Variants in MAP3K20 observed in about 807,000 individuals in gnomAD.
MAP3K20 encodes the protein HCCS-4.
MAP3K20 carries 40 observed loss-of-function variants against 85.7 expected under a neutral mutation model. That is an observed-to-expected ratio of 0.47 (90% CI 0.36 to 0.61). The LOEUF (loss-of-function observed/expected upper bound fraction) is 0.61, where lower values mean the gene tolerates loss of function less well. MAP3K20 is among the 20% of genes least tolerant of loss of function. The pLI is 0.00. For synonymous variants in MAP3K20, 325 were observed against 327.7 expected (o/e 0.99, Z 0.09); for missense variants, 817 against 961.7 (o/e 0.85, Z 1.99).
intron 10 of MAP3K20, chr2:173,211,054 T>C (rs1683877940): frequency 6.6e-6 from 1 of 152,220 alleles, no homozygotes; most frequent in Non-Finnish European, 1.5e-5. Flanking sequence ...TAATATTTGT[T>C]TTTTGCAGTA....
At chr2:173,131,175 T>G (rs1688608082) in intron 2 of MAP3K20, among the ~76,000 whole-genome samples, 1 of 152,232 alleles carries the variant, frequency 6.6e-6, no homozygotes, top group Non-Finnish European at 1.5e-5. Flanking sequence ...GTTTTTCTGC[T>G]GTGGCTTTTA....
intron 10 of MAP3K20, chr2:173,212,159 T>G (rs1683919524): frequency 6.6e-6 from 1 of 152,164 alleles, no homozygotes; most frequent in Non-Finnish European, 1.5e-5. Flanking sequence ...ACAAAAGTAC[T>G]TCTTATGTTC....
intron 1 of MAP3K20, among the ~76,000 whole-genome samples, chr2:173,076,987 G>C (rs1258983870): frequency 4.6e-5 from 7 of 152,218 alleles, no homozygotes; most frequent in African/African-American, 1.4e-4. Context: ...GATGCGCTTT[G>C]AGATCGCGCA....
At chr2:173,247,826 T>C (rs1420241419) in intron 16 of MAP3K20, among the ~76,000 whole-genome samples, 1 of 152,168 alleles carries the variant, frequency 6.6e-6, no homozygotes, top group African/African-American at 2.4e-5. Context: ...TGTTCTTGAG[T>C]TCTCATGCAA....
At chr2:173,079,013 CAT>C (rs1228017050) in intron 1 of MAP3K20, among the ~76,000 whole-genome samples, 3 of 152,136 alleles carry the variant, frequency 2.0e-5, no homozygotes, top group African/African-American at 7.2e-5. Flanking sequence ...TAAGTACAGT[CAT>C]GTGTCCATTA....
In MAP3K20 at chr2:173,108,395, T is replaced by G. The variant is rs929834831; in HGVS notation, c.159+17205T>G. Reference sequence around the variant, plus strand: ...ATCCGCCCGCCTCGGCCTCCCAAAGTGCTGGGATTATAGGCGTGAGCCACC... The same window carrying G: ...ATCCGCCCGCCTCGGCCTCCCAAAGGGCTGGGATTATAGGCGTGAGCCACC... On this transcript the variant is annotated intron_variant, in intron 2 of 19. Coordinates refer to ENST00000375213, the MANE Select transcript of MAP3K20 (RefSeq NM_016653.3). Among the ~76,000 whole-genome samples, 13 of 152,230 alleles carry G rather than the reference T, an allele frequency of 8.5e-5. 1 individual carries two copies. Among genetic ancestry groups the G allele is most frequent in the Admixed American group, 2.6e-4 (4 of 15,290 alleles).
chr2:173,217,273 G>A (rs1028852920), intron 11 of MAP3K20, 23 bp downstream of exon 11: 10 of 1,524,506 alleles, frequency 6.6e-6, no homozygotes, highest in Non-Finnish European at 7.9e-6. Flanking sequence ...CCCCTTCGCC[G>A]TCTTTCCACA....
chr2:173,211,382 C>T (rs1371275506), intron 10 of MAP3K20: 1 of 152,372 alleles, frequency 6.6e-6, no homozygotes, highest in Non-Finnish European at 1.5e-5. Flanking sequence ...AGTCCCTCAA[C>T]AGATGCGTAT....
rs1403992363 is a variant in MAP3K20 at position 173,198,439 on chromosome 2, C to T, written c.669+327C>T. ...CCAAGGTAGGGGAACAGTTTAACTC[C>T]ATCTCCTGCGTTTAGGACATCTTTT... On this transcript the variant is annotated intron_variant, in intron 8 of 19. Coordinates refer to ENST00000375213, the MANE Select transcript of MAP3K20 (RefSeq NM_016653.3). This position sits in a 1 kb window ranked among gnomAD's most constrained non-coding sequence, Gnocchi z 5.8. The T allele has an allele frequency of 6.0e-6, 1 of 167,638 alleles. No individual in the cohort carries two copies. Among genetic ancestry groups the T allele is most frequent in the African/African-American group, 2.4e-5 (1 of 41,720 alleles). 10.4% of individuals were successfully genotyped at this position (167,638 alleles called of 1,614,324 possible).
chr2:173,128,245 A>G (rs1160950425), intron 2 of MAP3K20, among the ~76,000 whole-genome samples: 2 of 152,286 alleles, frequency 1.3e-5, no homozygotes, highest in East Asian at 3.9e-4. Flanking sequence ...AAGAAATGAC[A>G]TTGATTTGAG....
At chr2:173,189,540 A>AT (rs1243533967) in intron 5 of MAP3K20, among the ~76,000 whole-genome samples, 2 of 152,106 alleles carry the variant, frequency 1.3e-5, no homozygotes, top group Non-Finnish European at 2.9e-5. Flanking sequence ...CTTCAAAACT[A>AT]TTTTTCTATC....
intron 2 of MAP3K20, among the ~76,000 whole-genome samples, chr2:173,127,035 A>G (rs1688465324): frequency 6.6e-6 from 1 of 152,236 alleles, no homozygotes; most frequent in Non-Finnish European, 1.5e-5. Flanking sequence ...CAAACATACA[A>G]CAGGAAGTAG....
rs114309736 is a variant in MAP3K20 at position 173,116,003 on chromosome 2, A to G, written c.159+24813A>G. On this transcript the variant is annotated intron_variant, in intron 2 of 19. Transcript: ENST00000375213. ...ATGTCTTACCAGGGCAGAGCAGGAAAGAGTCTAATTAAAAAAAAAAAAAAA... is the reference window on the plus strand; with the variant it reads ...ATGTCTTACCAGGGCAGAGCAGGAAGGAGTCTAATTAAAAAAAAAAAAAAA... Among the ~76,000 whole-genome samples the G allele has an allele frequency of 5.4e-3, 745 of 137,732 alleles. 4 individuals are homozygous for G. Among genetic ancestry groups the G allele is most frequent in the Non-Finnish European group, 8.7e-3 (541 of 61,894 alleles). The allele number at this position is 137,732 out of a possible 152,430, so 90.4% of individuals were successfully genotyped here.
At chr2:173,235,784 C>T (rs1465860013) in intron 14 of MAP3K20, among the ~76,000 whole-genome samples, 2 of 152,162 alleles carry the variant, frequency 1.3e-5, no homozygotes, top group Non-Finnish European at 2.9e-5. Context: ...AGCACAGGCA[C>T]CTCTACACCC....
intron 18 of MAP3K20, among the ~76,000 whole-genome samples, chr2:173,262,612 A>G (rs1035651624): frequency 6.6e-6 from 1 of 152,042 alleles, no homozygotes; most frequent in Non-Finnish European, 1.5e-5. Flanking sequence ...AAAGAAAAAA[A>G]AAAAGAAAAG....
At chr2:173,116,240 G>A (rs899870744) in intron 2 of MAP3K20, among the ~76,000 whole-genome samples, 5 of 152,102 alleles carry the variant, frequency 3.3e-5, no homozygotes, top group Admixed American at 6.5e-5. Flanking sequence ...GCTATTTAAC[G>A]TATGCTTTAT....
At chr2:173,238,483 A>G in intron 15 of MAP3K20, 48 bp downstream of exon 15, 2 of 1,522,044 alleles carry the variant, frequency 1.3e-6, no homozygotes, top group Non-Finnish European at 1.8e-6. Flanking sequence ...TTATTGACAC[A>G]TGCACCTGCT....
intron 2 of MAP3K20, among the ~76,000 whole-genome samples, chr2:173,091,421 C>G (rs1174064450): frequency 6.6e-6 from 1 of 152,100 alleles, no homozygotes. Context: ...GGATTTCTTT[C>G]CAGGGCATGA....
At chr2:173,127,127 A>G (rs895638501) in intron 2 of MAP3K20, among the ~76,000 whole-genome samples, 2 of 152,236 alleles carry the variant, frequency 1.3e-5, no homozygotes, top group African/African-American at 2.4e-5. Context: ...GCAAATTTCC[A>G]TTGAAGGAGA....
Sources: gnomAD v4.1 joint callset for allele counts (sites outside exome capture counted in the v4.1 genomes callset) on GRCh38, gnomAD v4.1.1 for gene constraint, Gnocchi (gnomAD v3.1) non-coding constraint, MANE v1.5 for transcripts, NCBI Gene and HGNC (gene_info 2026-07-23, HGNC 2026-07-21) for gene names.